The following DLGAP2 variants were observed in gnomAD, a reference collection of about 807,000 sequenced individuals.
DLGAP2 encodes DLG associated protein 2, also known as disks large-associated protein 2.
In DLGAP2, 26 loss-of-function variants were observed where a neutral mutation model predicts 100.3. That is an observed-to-expected ratio of 0.26 (90% confidence interval 0.19 to 0.36). The LOEUF (loss-of-function observed/expected upper bound fraction) is 0.36. DLGAP2 is among the 10% of genes least tolerant of loss of function. The probability of loss-of-function intolerance (pLI) is 1.00; values close to 1 mark genes in which losing one functional copy is unlikely to be tolerated. For synonymous variants in DLGAP2, 886 were observed against 630.1 expected, an observed-to-expected ratio of 1.41 and a Z score of -6.08; for missense variants, 1,858 against 1,453.2, an observed-to-expected ratio of 1.28 and a Z score of -4.53.
intron 3 of DLGAP2, among the ~76,000 whole-genome samples, chr8:1,379,327 G>A (rs532312537): frequency 3.8e-4 from 58 of 152,384 alleles, no homozygotes; most frequent in African/African-American, 1.2e-3. Context: ...CCTAAGAGCC[G>A]CGTCTTTGCT....
chr8:1,650,963 C>T (rs1179287801), intron 8 of DLGAP2, among the ~76,000 whole-genome samples: 2 of 152,144 alleles, frequency 1.3e-5, no homozygotes, highest in South Asian at 4.2e-4. Context: ...ACGGACATTC[C>T]TGCCATTGCT....
intron 1 of DLGAP2, among the ~76,000 whole-genome samples, chr8:815,137 G>A (rs1031826246): frequency 6.6e-6 from 1 of 152,208 alleles, no homozygotes; most frequent in African/African-American, 2.4e-5. Context: ...AAATGCTTGA[G>A]ACTGGTTTCT....
chr8:978,960 G>T (rs937158331), intron 2 of DLGAP2, among the ~76,000 whole-genome samples: 1 of 152,192 alleles, frequency 6.6e-6, no homozygotes, highest in African/African-American at 2.4e-5. Context: ...AGGGTTTGCT[G>T]GTAGATCAGC....
rs758807381 is a variant in DLGAP2, at chr8:1,676,516, G to T, written c.2203-17G>T. 6.2e-7 allele frequency: 1 copy of T among 1,609,512 alleles called. No individual in the cohort carries two copies. The highest frequency in any genetic ancestry group is 8.5e-7 in the Non-Finnish European group (1 of 1,178,018). On this transcript the variant is annotated splice_polypyrimidine_tract_variant and intron_variant, in intron 10 of 14. Coordinates refer to ENST00000637795, the MANE Select transcript of DLGAP2 (RefSeq NM_001346810.2). ...CCATGTTTCAGTTCTAAAATAAGAC[G>T]TTCTCTGTTGAATTAGGTGGAAACG...
intron 2 of DLGAP2, among the ~76,000 whole-genome samples, chr8:1,071,193 A>C (rs1391584807): frequency 6.6e-6 from 1 of 152,292 alleles, no homozygotes; most frequent in Non-Finnish European, 1.5e-5. Flanking sequence ...GGTGCTTTCC[A>C]GTTTTAGCTT....
chr8:1,367,560 C>A (rs568137459), intron 3 of DLGAP2, among the ~76,000 whole-genome samples: 15 of 152,350 alleles, frequency 9.8e-5, no homozygotes, highest in African/African-American at 3.4e-4. Context: ...TCGTTGTCAC[C>A]TCCCCTCTAG....
chr8:1,426,912 A>G (rs1010245469), intron 3 of DLGAP2, among the ~76,000 whole-genome samples: 2 of 152,348 alleles, frequency 1.3e-5, no homozygotes, highest in Non-Finnish European at 2.9e-5. Context: ...AAATAACAAC[A>G]GAAGATACAG....
intron 2 of DLGAP2, among the ~76,000 whole-genome samples, chr8:1,048,265 C>G (rs1224837613): frequency 6.6e-6 from 1 of 152,170 alleles, no homozygotes; most frequent in Non-Finnish European, 1.5e-5. Context: ...TCCTGTGAGG[C>G]TGTCGTCTCC....
intron 3 of DLGAP2, among the ~76,000 whole-genome samples, chr8:1,426,104 C>G (rs1487283633): frequency 6.6e-6 from 1 of 152,096 alleles, no homozygotes; most frequent in Non-Finnish European, 1.5e-5. Context: ...CAGGGTAGGG[C>G]AAGAGGAGGA....
At chr8:1,408,751 G>C (rs1446527607) in intron 3 of DLGAP2, among the ~76,000 whole-genome samples, 1 of 152,146 alleles carries the variant, frequency 6.6e-6, no homozygotes, top group Admixed American at 6.5e-5. Context: ...GGGAAAGCCA[G>C]GTTTTGGGAA....
chr8:774,707 T>C (rs982710576), intron 1 of DLGAP2, among the ~76,000 whole-genome samples: 2 of 151,712 alleles, frequency 1.3e-5, no homozygotes, highest in Non-Finnish European at 2.9e-5. Flanking sequence ...CATTGATCTA[T>C]ATCTCTGTTT....
intron 1 of DLGAP2, among the ~76,000 whole-genome samples, chr8:870,847 C>T (rs1001505503): frequency 6.6e-6 from 1 of 152,150 alleles, no homozygotes; most frequent in Non-Finnish European, 1.5e-5. Context: ...CTCTCTTTCC[C>T]TCACCGCTGA....
rs1802326743 is a variant in DLGAP2, at chr8:1,374,085, GTTAGGTTAGGTTTGCAGAGGA to G, written c.106+115203_106+115223del. ...GTTTGCAGACGGCTGTGTGGTGGAG[GTTAGGTTAGGTTTGCAGAGGA>G]CTGTGTGGTGGAGGTTAGGTTAGGT... On this transcript the variant is annotated intron_variant, in intron 3 of 14. Transcript: ENST00000637795. Among the ~76,000 whole-genome samples the G allele has an allele frequency of 1.2e-4, 18 of 151,808 alleles. 1 individual carries two copies. Among genetic ancestry groups the G allele is most frequent in the Admixed American group, 1.1e-3 (17 of 15,218 alleles).
chr8:906,644 C>G (rs978004552), intron 1 of DLGAP2, among the ~76,000 whole-genome samples: 1 of 152,136 alleles, frequency 6.6e-6, no homozygotes, highest in African/African-American at 2.4e-5. Context: ...AAAATACCGA[C>G]AGCTTCCACG....
At chr8:823,039 G>A (rs1287023104) in intron 1 of DLGAP2, among the ~76,000 whole-genome samples, 2 of 151,978 alleles carry the variant, frequency 1.3e-5, no homozygotes, top group Non-Finnish European at 2.9e-5. Flanking sequence ...TGCACTGATG[G>A]AAAGGTCTAA....
rs935819 is a variant in DLGAP2, at chr8:1,071,814, T to G, written c.73+163848T>G. Among the ~76,000 whole-genome samples the G allele has an allele frequency of 2.8e-4, 43 of 152,164 alleles. No individual in the cohort carries two copies. In the South Asian group the frequency reaches 8.9e-3, roughly 32 times the overall value. On this transcript the variant is annotated intron_variant, in intron 2 of 14. Coordinates refer to ENST00000637795, the MANE Select transcript of DLGAP2 (RefSeq NM_001346810.2). Reference sequence around the variant, plus strand: ...TGTGTGTCAATAAAAGAAATATACTTAATCACCCAGTTATTTAGTCAAACA... The same window carrying G: ...TGTGTGTCAATAAAAGAAATATACTGAATCACCCAGTTATTTAGTCAAACA...
chr8:1,675,832 T>G (rs1043038664), intron 10 of DLGAP2, among the ~76,000 whole-genome samples: 11 of 152,112 alleles, frequency 7.2e-5, no homozygotes, highest in African/African-American at 2.4e-4. Flanking sequence ...GGTTTTGTTT[T>G]TTTTTTTTTA....
intron 8 of DLGAP2, among the ~76,000 whole-genome samples, chr8:1,658,321 C>G (rs1008774628): frequency 6.6e-6 from 1 of 152,106 alleles, no homozygotes; most frequent in Non-Finnish European, 1.5e-5. Context: ...TATGAAAGCT[C>G]CTAGTCTGCA....
At position 1,122,132 on chromosome 8, in the gene DLGAP2, C is replaced by T. The variant is rs148433512; in HGVS notation, c.74-136719C>T. ...AGCCAGATGTGGACTGGTGTTACTA[C>T]GGTTACCATCAGGTTCCGGTCTTGT... On this transcript the variant is annotated intron_variant, in intron 2 of 14. Transcript: ENST00000637795. 2.4e-3 allele frequency among the ~76,000 whole-genome samples: 368 copies of T among 152,268 alleles called. 3 individuals are homozygous for T. Among genetic ancestry groups the T allele is most frequent in the African/African-American group, 8.2e-3 (340 of 41,556 alleles).
Sources: gnomAD v4.1 joint callset for allele counts (sites outside exome capture counted in the v4.1 genomes callset) on GRCh38, gnomAD v4.1.1 for gene constraint, MANE v1.5 for transcripts, NCBI Gene and HGNC (gene_info 2026-07-23, HGNC 2026-07-21) for gene names.